TRDN: variants seen among roughly 807,000 people sequenced by gnomAD.
The protein encoded by TRDN is triadin.
A neutral mutation model predicts 149.7 loss-of-function variants in TRDN; 161 were observed. The ratio of observed to expected loss-of-function variants is 1.08; its 90% CI spans 0.95 to 1.23. The LOEUF is 1.23. TRDN is among the 50% of genes most tolerant of loss of function. The probability of loss-of-function intolerance (pLI) is 0.00; values close to 1 mark genes in which losing one functional copy is unlikely to be tolerated. For missense variants in TRDN, 896 were observed against 823.5 expected, an observed-to-expected ratio of 1.09 and a Z score of -1.08; for synonymous variants, 294 against 250.5, an observed-to-expected ratio of 1.17 and a Z score of -1.64.
chr6:123,341,342 C>A (rs1179651357), intron 21 of TRDN, among the ~76,000 whole-genome samples: 1 of 151,712 alleles, frequency 6.6e-6, no homozygotes, highest in African/African-American at 2.4e-5. Flanking sequence ...GTTTTGTATT[C>A]TATTGGGCTA....
At position 123,217,626 on chromosome 6, in the gene TRDN, C is replaced by A. The variant is rs528993152; in HGVS notation, c.*975G>T. 6.6e-6 allele frequency: 1 copy of A among 151,894 alleles called. No individual in the cohort carries two copies. The highest frequency in any genetic ancestry group is 1.5e-5 in the Non-Finnish European group (1 of 67,944). The allele number at this position is 151,894 out of a possible 1,614,324, so 9.4% of individuals were successfully genotyped here. ...CCTAAAATACAAGTAAGACATCTCA[C>A]GAAGGCATTTAAGGCTAAAATGAAT... On this transcript the variant is annotated 3_prime_UTR_variant, in exon 41 of 41. Transcript: ENST00000334268.
At chr6:123,490,842 C>T (rs951336390) in intron 9 of TRDN, among the ~76,000 whole-genome samples, 5 of 152,160 alleles carry the variant, frequency 3.3e-5, no homozygotes, top group South Asian at 2.1e-4. Flanking sequence ...CAGTGGCTCA[C>T]GCCTGTAATC....
chr6:123,480,933 C>T (rs1293516802), intron 9 of TRDN, among the ~76,000 whole-genome samples: 2 of 151,982 alleles, frequency 1.3e-5, no homozygotes, highest in African/African-American at 4.8e-5. Context: ...AATCAATTCC[C>T]AGACTCCTAG....
intron 10 of TRDN, among the ~76,000 whole-genome samples, chr6:123,444,036 G>T (rs546793527): frequency 6.7e-6 from 1 of 150,074 alleles, no homozygotes; most frequent in Non-Finnish European, 1.5e-5. Flanking sequence ...CTTTAAAGTA[G>T]TTTTTTCCAA....
At position 123,260,638 on chromosome 6, in the gene TRDN, T is replaced by C; in HGVS notation, c.1805A>G (p.Lys602Arg). 1 of 1,247,234 alleles carries C rather than the reference T, an allele frequency of 8.0e-7. No homozygotes were observed. Among genetic ancestry groups the C allele is most frequent in the Non-Finnish European group, 1.0e-6 (1 of 964,188 alleles). 77.3% of individuals were successfully genotyped at this position (1,247,234 alleles called of 1,614,324 possible). A position where few individuals can be genotyped will look rare whatever the true frequency, so the allele number is the denominator to read the frequency against. The change falls in exon 34 of 41, where the codon AAA (lysine) becomes AGA (arginine). Residue 602 changes from lysine to arginine, a missense_variant and splice_region_variant. Lys to Arg is a conservative substitution (Grantham distance 26). Transcript: ENST00000334268. ...TGATTCTGTGACTTCTGATGTTCCT[T>C]CTTTAGAAAAAAAAAAAAAAAGAAT... is the stretch of plus-strand genomic sequence containing the variant. ...IKTDKPKPTP[K>R]GTSEVTESGK...
intron 38 of TRDN, among the ~76,000 whole-genome samples, chr6:123,248,479 C>T (rs749836806): frequency 5.9e-5 from 9 of 152,058 alleles, no homozygotes; most frequent in Non-Finnish European, 1.3e-4. Flanking sequence ...ATTGCTTGAA[C>T]CCAGGAGGCA....
chr6:123,502,972 T>C (rs1778762941), intron 8 of TRDN: 1 of 985,188 alleles, frequency 1.0e-6, no homozygotes, highest in Non-Finnish European at 1.2e-6. Context: ...GTTGCCCTCC[T>C]AAACCTTCAG....
intron 23 of TRDN, among the ~76,000 whole-genome samples, chr6:123,327,235 C>T (rs547128028): frequency 3.3e-5 from 5 of 152,048 alleles, no homozygotes; most frequent in Middle Eastern, 3.4e-3. Flanking sequence ...AGTGTGCGTT[C>T]CTATACCCGT....
chr6:123,634,943 C>T (rs534138610), intron 1 of TRDN, among the ~76,000 whole-genome samples: 17 of 152,020 alleles, frequency 1.1e-4, no homozygotes, highest in Non-Finnish European at 1.9e-4. Flanking sequence ...TAAACCCCCG[C>T]AGAGCAAAGG....
At chr6:123,392,911 T>C (rs971394664) in intron 13 of TRDN, among the ~76,000 whole-genome samples, 6 of 152,102 alleles carry the variant, frequency 3.9e-5, no homozygotes, top group African/African-American at 1.4e-4. Flanking sequence ...GTGCATCTCC[T>C]TTATTGCTTG....
intron 21 of TRDN, among the ~76,000 whole-genome samples, chr6:123,346,132 C>T (rs934728016): frequency 3.3e-5 from 5 of 151,950 alleles, no homozygotes; most frequent in Non-Finnish European, 5.9e-5. Context: ...CTTTTAACTT[C>T]GCACCATTAA....
chr6:123,244,282 T>C (rs1263366740), intron 38 of TRDN, among the ~76,000 whole-genome samples: 1 of 151,918 alleles, frequency 6.6e-6, no homozygotes, highest in Non-Finnish European at 1.5e-5. Flanking sequence ...AGAAGGTGGG[T>C]AATAACAAAC....
chr6:123,315,033 A>G (rs1394278989), intron 24 of TRDN, among the ~76,000 whole-genome samples: 1 of 151,998 alleles, frequency 6.6e-6, no homozygotes, highest in Non-Finnish European at 1.5e-5. Flanking sequence ...TAAAATAGAC[A>G]TAAATACTTA....
chr6:123,607,002 T>A (rs1784556457), intron 1 of TRDN, among the ~76,000 whole-genome samples: 1 of 152,150 alleles, frequency 6.6e-6, no homozygotes, highest in Non-Finnish European at 1.5e-5. Context: ...TAAGCCTGAG[T>A]TTTTGCCTTT....
intron 9 of TRDN, among the ~76,000 whole-genome samples, chr6:123,485,940 T>C (rs1000085325): frequency 6.6e-6 from 1 of 152,140 alleles, no homozygotes; most frequent in African/African-American, 2.4e-5. Flanking sequence ...CAGCTCATTC[T>C]GTGAATGTTG....
At chr6:123,446,879 GAA>G (rs35263963) in intron 10 of TRDN, among the ~76,000 whole-genome samples, 3 of 151,632 alleles carry the variant, frequency 2.0e-5, no homozygotes, top group African/African-American at 7.3e-5. Flanking sequence ...AAGACTTAGG[GAA>G]AAAAATAATT....
At position 123,487,104 on chromosome 6, in the gene TRDN, G is replaced by A. The variant is rs527302408; in HGVS notation, c.853+10089C>T. On this transcript the variant is annotated intron_variant, in intron 9 of 40. Coordinates refer to ENST00000334268, the MANE Select transcript of TRDN (RefSeq NM_006073.4). ...ATATGTGCTCAAGCAGTAAATAAGAGCCAACACTCAGAGAGCCATGTGCTG... is the reference window on the plus strand; with the variant it reads ...ATATGTGCTCAAGCAGTAAATAAGAACCAACACTCAGAGAGCCATGTGCTG... Among the ~76,000 whole-genome samples, 11 of 151,932 alleles carry A rather than the reference G, an allele frequency of 7.2e-5. No homozygotes were observed. In the East Asian group the frequency reaches 1.5e-3, roughly 21 times the overall value.
intron 2 of TRDN, among the ~76,000 whole-genome samples, chr6:123,569,831 C>G (rs1401777905): frequency 6.6e-6 from 1 of 152,170 alleles, no homozygotes; most frequent in East Asian, 1.9e-4. Flanking sequence ...TCCCTGTGAT[C>G]CAGTCACCTC....
intron 1 of TRDN, among the ~76,000 whole-genome samples, chr6:123,600,963 TACTGAACATA>T (rs2114648071): frequency 6.6e-6 from 1 of 152,242 alleles, no homozygotes; most frequent in South Asian, 2.1e-4. Flanking sequence ...ATCAGTTAAA[TACTGAACATA>T]ACTGAAAAGT....
Sources: gnomAD v4.1 joint callset for allele counts (sites outside exome capture counted in the v4.1 genomes callset) on GRCh38, gnomAD v4.1.1 for gene constraint, MANE v1.5 for transcripts, NCBI Gene and HGNC (gene_info 2026-07-23, HGNC 2026-07-21) for gene names.